Variants in TBC1D19 observed in about 807,000 individuals in gnomAD.
TBC1D19 encodes the protein TBC1 domain family member 19.
TBC1D19 carries 60 observed loss-of-function variants against 89.0 expected under a neutral mutation model. That is an observed-to-expected ratio of 0.67 (90% CI 0.55 to 0.84). The LOEUF (loss-of-function observed/expected upper bound fraction) is 0.84. Ranked by LOEUF, TBC1D19 falls within the 40% of genes least tolerant of loss-of-function variation. The pLI, the probability that TBC1D19 is intolerant of heterozygous loss-of-function variation, is 0.00. For missense variants in TBC1D19, 500 were observed against 610.8 expected, an observed-to-expected ratio of 0.82 and a Z score of 1.91; for synonymous variants, 189 against 199.7, an observed-to-expected ratio of 0.95 and a Z score of 0.45.
chr4:26,630,106 C>T (rs1392664084), intron 4 of TBC1D19, among the ~76,000 whole-genome samples: 1 of 151,410 alleles, frequency 6.6e-6, no homozygotes, highest in Non-Finnish European at 1.5e-5. Context: ...TATTTACCTT[C>T]ATTGTTATTA....
intron 7 of TBC1D19, among the ~76,000 whole-genome samples, chr4:26,652,659 G>A (rs7677353): frequency 0.38 from 57,259 of 151,976 alleles, 11,792 homozygotes; most frequent in Non-Finnish European, 0.47. Flanking sequence ...TTGTGTAGAG[G>A]TGTTTATAGT....
At chr4:26,827,717 G>GTT in the TBC1D19 span, among the ~76,000 whole-genome samples, 17,560 of 143,652 alleles carry the variant, frequency 0.12, 1,506 homozygotes, top group African/African-American at 0.24. Context: ...TTTTTGTTTT[G>GTT]TTTTTTTTTT....
chr4:26,778,278 T>C, the TBC1D19 span, among the ~76,000 whole-genome samples: 2 of 151,992 alleles, frequency 1.3e-5, no homozygotes, highest in Non-Finnish European at 2.9e-5. Flanking sequence ...TAGCCAGGCA[T>C]GGTGGCGGGA....
At chr4:26,685,425 A>G (rs1416318574) in intron 12 of TBC1D19, among the ~76,000 whole-genome samples, 1 of 152,252 alleles carries the variant, frequency 6.6e-6, no homozygotes, top group African/African-American at 2.4e-5. Context: ...TTGCTTAAGA[A>G]AAATTGCATC....
At chr4:26,818,294 C>T in the TBC1D19 span, among the ~76,000 whole-genome samples, 1 of 152,180 alleles carries the variant, frequency 6.6e-6, no homozygotes, top group African/African-American at 2.4e-5. Flanking sequence ...GTGGCACAAT[C>T]AGTGCTCACC....
At chr4:26,636,070 G>A (rs951893395) in intron 4 of TBC1D19, among the ~76,000 whole-genome samples, 3 of 152,034 alleles carry the variant, frequency 2.0e-5, no homozygotes, top group African/African-American at 4.8e-5. Flanking sequence ...CTTTGTAACA[G>A]CCATATAAGG....
At chr4:26,695,183 C>A (rs1275374240) in intron 13 of TBC1D19, among the ~76,000 whole-genome samples, 1 of 152,160 alleles carries the variant, frequency 6.6e-6, no homozygotes, top group African/African-American at 2.4e-5. Context: ...GAGCTGAAAA[C>A]CATGGCATGA....
chr4:26,851,360 T>TCTATCTATCTGTCTATCTATTTAG, the TBC1D19 span, among the ~76,000 whole-genome samples: 1 of 150,244 alleles, frequency 6.7e-6, no homozygotes, highest in African/African-American at 2.4e-5. Context: ...TATCTATCTA[T>TCTATCTATCTGTCTATCTATTTAG]CATCTATCCA....
chr4:26,705,432 T>C (rs1715663723), intron 13 of TBC1D19, among the ~76,000 whole-genome samples: 1 of 152,206 alleles, frequency 6.6e-6, no homozygotes, highest in African/African-American at 2.4e-5. Context: ...TTCAGGTCTT[T>C]AATCCATTTT....
chr4:26,828,699 A>G, the TBC1D19 span, among the ~76,000 whole-genome samples: 4 of 152,350 alleles, frequency 2.6e-5, no homozygotes, highest in Non-Finnish European at 5.9e-5. Context: ...CACTCCGTGC[A>G]TCAGTTTCTT....
At chr4:26,773,643 T>A in the TBC1D19 span, among the ~76,000 whole-genome samples, 1 of 152,176 alleles carries the variant, frequency 6.6e-6, no homozygotes, top group Non-Finnish European at 1.5e-5. Context: ...AATTTTTATA[T>A]AGGTATAAGG....
chr4:26,763,990 C>T, the TBC1D19 span, among the ~76,000 whole-genome samples: 1 of 152,176 alleles, frequency 6.6e-6, no homozygotes, highest in Admixed American at 6.5e-5. Flanking sequence ...AGGTGATGTA[C>T]AGTATGTTAT....
intron 6 of TBC1D19, among the ~76,000 whole-genome samples, chr4:26,639,875 ATTGT>A (rs1743381479): frequency 6.6e-6 from 1 of 152,290 alleles, no homozygotes; most frequent in Admixed American, 6.5e-5. Flanking sequence ...TTACATTGAC[ATTGT>A]TTGGCCAATT....
chr4:26,809,476 C>T, the TBC1D19 span, among the ~76,000 whole-genome samples: 2 of 152,024 alleles, frequency 1.3e-5, no homozygotes, highest in Non-Finnish European at 2.9e-5. Flanking sequence ...CTTTTTCCCT[C>T]AACTTCCCTC....
chr4:26,815,923 C>A, the TBC1D19 span, among the ~76,000 whole-genome samples: 1 of 152,142 alleles, frequency 6.6e-6, no homozygotes, highest in Non-Finnish European at 1.5e-5. Flanking sequence ...CCTTGGAATA[C>A]CCCCCGAGGG....
intron 1 of TBC1D19, among the ~76,000 whole-genome samples, chr4:26,584,625 A>AT (rs1008057518): frequency 7.2e-5 from 11 of 151,942 alleles, no homozygotes; most frequent in Non-Finnish European, 1.5e-4. Context: ...ACAGGGTCTA[A>AT]TTTTTTAAGC....
chr4:26,811,319 C>T, the TBC1D19 span, among the ~76,000 whole-genome samples: 182 of 152,218 alleles, frequency 1.2e-3, no homozygotes, highest in African/African-American at 4.1e-3. Context: ...AAGATATGGA[C>T]GAAGGGAGGG....
intron 7 of TBC1D19, among the ~76,000 whole-genome samples, chr4:26,659,180 T>G (rs1577893039): frequency 6.6e-6 from 1 of 152,182 alleles, no homozygotes; most frequent in African/African-American, 2.4e-5. Flanking sequence ...TCTACAAATA[T>G]TGTCAATTTG....
upstream of TBC1D19, among the ~76,000 whole-genome samples, chr4:26,582,810 A>G (rs899070893): frequency 2.6e-5 from 4 of 152,180 alleles, no homozygotes; most frequent in African/African-American, 9.7e-5. Context: ...TAGAATTTGT[A>G]CTTATCATCC....
Sources: gnomAD v4.1 joint callset for allele counts (sites outside exome capture counted in the v4.1 genomes callset) on GRCh38, gnomAD v4.1.1 for gene constraint, MANE v1.5 for transcripts, NCBI Gene and HGNC (gene_info 2026-07-23, HGNC 2026-07-21) for gene names.